VWF: variants seen among roughly 807,000 people sequenced by gnomAD.
VWF encodes von Willebrand factor.
VWF carries 176 observed loss-of-function variants against 308.6 expected under a neutral mutation model. That is an observed-to-expected ratio of 0.57 (90% CI 0.50 to 0.65). The LOEUF (loss-of-function observed/expected upper bound fraction) is 0.65, where lower values mean the gene tolerates loss of function less well. VWF is among the 30% of genes least tolerant of loss of function. The probability of loss-of-function intolerance (pLI) is 0.00; values close to 1 mark genes in which losing one functional copy is unlikely to be tolerated. For missense variants in VWF, 3,146 were observed against 3,648.2 expected (o/e 0.86, Z 3.55); for synonymous variants, 1,385 against 1,443.4 (o/e 0.96, Z 0.92).
chr12:6,018,952 C>A lies in VWF; in HGVS notation c.4466G>T (p.Gly1489Val), dbSNP rs781740850. 1.2e-6 allele frequency: 2 copies of A among 1,613,872 alleles called. No homozygotes were observed. Among genetic ancestry groups the A allele is most frequent in the Admixed American group, 3.3e-5 (2 of 60,008 alleles). ...CAGAACCATGGAGTTCCTCTTGGGC[C>A]CCAGGGTCGAAACCCCCAAGAGCCC... ...GPGLLGVSTL[G>V]PKRNSMVLDV... The change falls in exon 28 of 52, where the codon GGG becomes GTG. Residue 1489 changes from glycine (G) to valine (V), a missense_variant. By Grantham distance (109) the Gly-to-Val change is moderately radical (BLOSUM62 -3). Transcript: ENST00000261405.
chr12:5,959,145 T>C (rs978549908), intron 47 of VWF, among the ~76,000 whole-genome samples: 2 of 152,148 alleles, frequency 1.3e-5, no homozygotes, highest in African/African-American at 4.8e-5. Flanking sequence ...AGGCCAAGGC[T>C]GTAGTGAGCC....
intron 16 of VWF, among the ~76,000 whole-genome samples, chr12:6,047,084 C>A (rs868864379): frequency 6.6e-6 from 1 of 152,154 alleles, no homozygotes; most frequent in Admixed American, 6.5e-5. Context: ...AAAAATATTT[C>A]TCTCTCCAGG....
intron 10 of VWF, among the ~76,000 whole-genome samples, chr12:6,069,827 C>T (rs1229447926): frequency 6.6e-6 from 1 of 152,172 alleles, no homozygotes; most frequent in African/African-American, 2.4e-5. Flanking sequence ...GAATTGAAGA[C>T]CAGAGGACTG....
rs1229361327 is a variant in VWF, at chr12:6,060,860, G to A, written c.1533+2094C>T. 6.6e-6 allele frequency among the ~76,000 whole-genome samples: 1 copy of A among 152,146 alleles called. No individual in the cohort carries two copies. Among genetic ancestry groups the A allele is most frequent in the East Asian group, 1.9e-4 (1 of 5,174 alleles). On this transcript the variant is annotated intron_variant, in intron 13 of 51. Coordinates refer to ENST00000261405, the MANE Select transcript of VWF (RefSeq NM_000552.5). This position sits in a 1 kb window ranked among gnomAD's most constrained non-coding sequence, Gnocchi z 5.1. ...GCCCTGCTGATCAAGGGGAGAAAGT[G>A]CATGGGTGGAGAGCACCCTCTCTGT...
intron 42 of VWF, among the ~76,000 whole-genome samples, chr12:5,980,144 AGTG>A (rs1943585943): frequency 1.4e-4 from 12 of 85,510 alleles, no homozygotes; most frequent in African/African-American, 4.4e-4. Context: ...GGAAGAAAGG[AGTG>A]AGGGAGGGAG....
chr12:6,063,735 G>A lies in VWF; in HGVS notation c.1432+511C>T, dbSNP rs569524005. Among the ~76,000 whole-genome samples, 1 of 152,316 alleles carries A rather than the reference G, an allele frequency of 6.6e-6. No individual in the cohort carries two copies. The highest frequency in any genetic ancestry group is 2.4e-5 in the African/African-American group (1 of 41,562). ...AGCTTTACCATGCAAAAGCAGGTTT[G>A]CTTTGACCGGCACAGTGCAACCCAG... On this transcript the variant is annotated intron_variant, in intron 12 of 51. Transcript: ENST00000261405. The surrounding 1 kb of genome is among the most constrained non-coding windows in gnomAD (Gnocchi z 4.9).
intron 5 of VWF, among the ~76,000 whole-genome samples, chr12:6,108,285 C>T (rs1945265405): frequency 7.1e-6 from 1 of 140,970 alleles, no homozygotes; most frequent in Non-Finnish European, 1.5e-5. Context: ...CAGAGCAAGA[C>T]TCTGTCTTTA....
At chr12:5,985,488 G>T (rs1383331468) in intron 39 of VWF, 75 bp downstream of exon 39, 16 of 1,475,782 alleles carry the variant, frequency 1.1e-5, no homozygotes, top group Non-Finnish European at 1.4e-5. Context: ...TGCCAGAGGT[G>T]AAGATGGGTG....
intron 47 of VWF, among the ~76,000 whole-genome samples, chr12:5,954,627 G>C (rs944001174): frequency 3.9e-5 from 6 of 152,324 alleles, no homozygotes; most frequent in Admixed American, 3.3e-4. Context: ...CAGAAAAGAG[G>C]AAGTCAGAAA....
intron 18 of VWF, among the ~76,000 whole-genome samples, chr12:6,037,890 G>A (rs216332): frequency 0.7 from 107,044 of 152,080 alleles, 37,937 homozygotes; most frequent in East Asian, 0.79. Context: ...AATCGTATGT[G>A]AGCATGTGTG....
intron 42 of VWF, 144 bp from the exon 43 acceptor site, chr12:5,976,404 C>A: frequency 9.4e-7 from 1 of 1,065,920 alleles, no homozygotes; most frequent in Non-Finnish European, 1.4e-6. Flanking sequence ...ATATGCAGGG[C>A]TGCTTATAAA....
chr12:6,035,818 C>T (rs1258517010), intron 19 of VWF, among the ~76,000 whole-genome samples: 1 of 152,208 alleles, frequency 6.6e-6, no homozygotes, highest in Non-Finnish European at 1.5e-5. Flanking sequence ...ATCCAAAACT[C>T]TGAAGTCCAA....
rs1944116739 is a variant in VWF at position 6,020,400 on chromosome 12, G to T, written c.3675-657C>A. On this transcript the variant is annotated intron_variant, in intron 27 of 51. Coordinates refer to ENST00000261405, the MANE Select transcript of VWF (RefSeq NM_000552.5). This position sits in a 1 kb window ranked among gnomAD's most constrained non-coding sequence, Gnocchi z 4.3. ...CTCCACGGTGTCAGGCCTAGGAAAAGACATTCACTCATTCCTCCAGCAGAC... is the reference window on the plus strand; with the variant it reads ...CTCCACGGTGTCAGGCCTAGGAAAATACATTCACTCATTCCTCCAGCAGAC... Among the ~76,000 whole-genome samples the T allele has an allele frequency of 6.6e-6, 1 of 152,236 alleles. No homozygotes were observed. The highest frequency in any genetic ancestry group is 2.4e-5 in the African/African-American group (1 of 41,468).
Position 5,996,220 on chromosome 12 carries a change from C to A in VWF, c.5845G>T (p.Val1949Leu). 1.9e-6 allele frequency: 3 copies of A among 1,611,388 alleles called. No homozygotes were observed. The highest frequency in any genetic ancestry group is 8.5e-7 in the Non-Finnish European group (1 of 1,178,874). The change falls in exon 35 of 52, where the codon GTG (valine) becomes TTG (leucine). Residue 1949 changes from valine to leucine, a missense_variant and splice_region_variant. Val to Leu is a conservative substitution (Grantham distance 32). Transcript: ENST00000261405. Reference protein sequence around the residue: ...TCGCRWTCPCVCTGSSTRHIV... With the variant: ...TCGCRWTCPCLCTGSSTRHIV... Reference sequence around the variant, plus strand: ...TGCCGAGTGGAGCTGCCTGTGCACACGCCTGGACAGAGAGAAGCAGAGGAT... The same window carrying A: ...TGCCGAGTGGAGCTGCCTGTGCACAAGCCTGGACAGAGAGAAGCAGAGGAT...
chr12:6,103,545 TACACACACACACACACACACACAC>T (rs139889348), intron 5 of VWF, among the ~76,000 whole-genome samples: 23 of 124,202 alleles, frequency 1.9e-4, no homozygotes, highest in African/African-American at 6.6e-4. Context: ...CATATATGTA[TACACACACACACACACACACACAC>T]ACACACACAC....
intron 16 of VWF, among the ~76,000 whole-genome samples, chr12:6,049,240 C>A (rs1167805758): frequency 1.3e-5 from 2 of 152,174 alleles, no homozygotes; most frequent in Non-Finnish European, 2.9e-5. Flanking sequence ...TCCAACACAC[C>A]TTCTCCGTGA....
At chr12:6,072,586 T>C in intron 8 of VWF, 144 bp from the exon 9 acceptor site, 1 of 724,740 alleles carries the variant, frequency 1.4e-6, no homozygotes, top group Non-Finnish European at 2.5e-6. Context: ...TTTCACATAA[T>C]GCAATATAAG....
At chr12:6,044,186 G>A in intron 18 of VWF, 105 bp downstream of exon 18, 3 of 1,440,080 alleles carry the variant, frequency 2.1e-6, no homozygotes, top group Middle Eastern at 2.4e-4. Context: ...TGCTATCCGT[G>A]TTTAGCCCTT....
chr12:6,040,470 C>A lies in VWF; in HGVS notation c.2442+3821G>T, dbSNP rs185011639. Among the ~76,000 whole-genome samples the A allele has an allele frequency of 5.3e-5, 8 of 152,222 alleles. No individual in the cohort carries two copies. The East Asian group carries it at 1.6e-3, about 30-fold the overall frequency. On this transcript the variant is annotated intron_variant, in intron 18 of 51. Coordinates refer to ENST00000261405, the MANE Select transcript of VWF (RefSeq NM_000552.5). ...CTGTAATAGTTAGTGGTCATTAAAC[C>A]ACCACTCACTAAGCACCTCCCATGT...
Sources: gnomAD v4.1 joint callset for allele counts (sites outside exome capture counted in the v4.1 genomes callset) on GRCh38, gnomAD v4.1.1 for gene constraint, Gnocchi (gnomAD v3.1) non-coding constraint, MANE v1.5 for transcripts, NCBI Gene and HGNC (gene_info 2026-07-23, HGNC 2026-07-21) for gene names.